Variants in DCDC1 observed in about 807,000 individuals in gnomAD.
DCDC1 encodes doublecortin domain containing 1.
Under a neutral mutation model 178.3 loss-of-function variants are expected in DCDC1, and 200 were observed. The observed-to-expected ratio is 1.12, with a 90% CI of 1.00 to 1.26. DCDC1 has a LOEUF of 1.26. DCDC1 is among the 50% of genes most tolerant of loss of function. The pLI is 0.00. For missense variants in DCDC1, 1,983 were observed against 1,749.2 expected (o/e 1.13, Z -2.38); for synonymous variants, 690 against 604.8 (o/e 1.14, Z -2.07).
chr11:31,153,112 C>T (rs144437945), intron 9 of DCDC1, among the ~76,000 whole-genome samples: 1 of 152,126 alleles, frequency 6.6e-6, no homozygotes, highest in African/African-American at 2.4e-5. Flanking sequence ...ATTTTGAGCT[C>T]TAATGTAAGA....
At chr11:31,146,504 A>G (rs930043843) in intron 9 of DCDC1, among the ~76,000 whole-genome samples, 4 of 152,120 alleles carry the variant, frequency 2.6e-5, no homozygotes, top group African/African-American at 9.7e-5. Context: ...CATATCCTCA[A>G]GGTGTTGGGG....
At chr11:30,925,432 G>A (rs753770508) in intron 22 of DCDC1, 24 bp from the exon 23 acceptor site, 1 of 1,602,298 alleles carries the variant, frequency 6.2e-7, no homozygotes, top group Non-Finnish European at 8.5e-7. Context: ...CACAAAAATT[G>A]ACCTTGCATA....
At chr11:31,116,897 G>T (rs1960051842) in intron 11 of DCDC1, among the ~76,000 whole-genome samples, 1 of 151,910 alleles carries the variant, frequency 6.6e-6, no homozygotes, top group Non-Finnish European at 1.5e-5. Flanking sequence ...CCCAGAAAAG[G>T]CATACCAAAG....
intron 22 of DCDC1, among the ~76,000 whole-genome samples, chr11:30,929,064 C>A (rs938158768): frequency 6.6e-6 from 1 of 151,930 alleles, no homozygotes; most frequent in African/African-American, 2.4e-5. Flanking sequence ...AAATAGTTAT[C>A]AAATACTTTA....
At chr11:31,068,149 T>A (rs1043378572) in intron 18 of DCDC1, among the ~76,000 whole-genome samples, 2 of 152,206 alleles carry the variant, frequency 1.3e-5, no homozygotes, top group Non-Finnish European at 2.9e-5. Context: ...GATTATTTTA[T>A]GCAAATTAAA....
chr11:31,245,567 A>C (rs1943498942), intron 8 of DCDC1, among the ~76,000 whole-genome samples: 2 of 151,768 alleles, frequency 1.3e-5, no homozygotes, highest in South Asian at 4.1e-4. Context: ...TATGAAGACT[A>C]AGGAGGAAAA....
At chr11:31,299,451 G>A (rs544662648) in intron 6 of DCDC1, among the ~76,000 whole-genome samples, 4 of 152,144 alleles carry the variant, frequency 2.6e-5, no homozygotes, top group South Asian at 2.1e-4. Context: ...CCTGGGTCAC[G>A]AACATATTTT....
At chr11:31,034,707 A>T (rs569137309) in intron 20 of DCDC1, among the ~76,000 whole-genome samples, 1 of 152,310 alleles carries the variant, frequency 6.6e-6, no homozygotes, top group African/African-American at 2.4e-5. Flanking sequence ...ACACTCTACA[A>T]TGTTTGCACA....
intron 20 of DCDC1, among the ~76,000 whole-genome samples, chr11:31,035,603 G>A (rs1953974537): frequency 1.3e-5 from 2 of 152,214 alleles, no homozygotes; most frequent in African/African-American, 4.8e-5. Flanking sequence ...ATGCTGAAAT[G>A]TTTTATCACC....
chr11:30,931,828 T>A lies in DCDC1; in HGVS notation c.2840A>T (p.Asn947Ile). Reference protein sequence around the residue: ...RLRVLQNGEKNKNRSVTILGP... With the variant: ...RLRVLQNGEKIKNRSVTILGP... ...AAGGATAGTAACGGATCTGTTTTTA[T>A]TCTTCTCTCCATTCTGCAAAACTCT... The change falls in exon 22 of 39, where the codon AAT becomes ATT. Residue 947 changes from asparagine to isoleucine, a missense_variant. Transcript: ENST00000684477. 6.2e-7 allele frequency: 1 copy of A among 1,613,034 alleles called. No homozygotes were observed. Among genetic ancestry groups the A allele is most frequent in the Middle Eastern group, 1.7e-4 (1 of 6,058 alleles).
intron 20 of DCDC1, among the ~76,000 whole-genome samples, chr11:30,970,734 A>G (rs1949728152): frequency 6.6e-6 from 1 of 152,302 alleles, no homozygotes; most frequent in East Asian, 1.9e-4. Flanking sequence ...CCTCCCCAGT[A>G]GCAGGGCCAC....
chr11:31,064,543 A>C lies in DCDC1; in HGVS notation c.2517T>G (p.Leu839=). Residue 839 remains leucine, a synonymous_variant, in exon 20 of 39, where the codon CTT becomes CTG. Coordinates refer to ENST00000684477, the MANE Select transcript of DCDC1 (RefSeq NM_001387274.1). ...SDTHLMPEGS[L]EETGELTVAL... ...CTACTGTCAGCTCCCCCGTCTCCTCAAGAGAACCTTCTGGCATTAAATGGG... is the reference window on the plus strand; with the variant it reads ...CTACTGTCAGCTCCCCCGTCTCCTCCAGAGAACCTTCTGGCATTAAATGGG... 1 of 765,984 alleles carries C rather than the reference A, an allele frequency of 1.3e-6. No individual in the cohort carries two copies. The highest frequency in any genetic ancestry group is 1.3e-5 in the South Asian group (1 of 74,612). The allele number at this position is 765,984 out of a possible 1,614,324, so 47.4% of individuals were successfully genotyped here. A position where few individuals can be genotyped will look rare whatever the true frequency, so the allele number is the denominator to read the frequency against.
At chr11:31,155,956 A>G (rs1270177579) in intron 9 of DCDC1, 2 of 152,202 alleles carry the variant, frequency 1.3e-5, no homozygotes, top group African/African-American at 4.8e-5. Flanking sequence ...ACCAGTTAAT[A>G]AGATTAGAAC....
chr11:30,880,844 T>TAGTGGA (rs1008041269), intron 37 of DCDC1, among the ~76,000 whole-genome samples: 1 of 152,142 alleles, frequency 6.6e-6, no homozygotes, highest in African/African-American at 2.4e-5. Context: ...AATAGGAAAT[T>TAGTGGA]AGTGGAGCTT....
intron 3 of DCDC1, among the ~76,000 whole-genome samples, chr11:31,326,614 A>G: frequency 6.6e-6 from 1 of 152,142 alleles, no homozygotes; most frequent in African/African-American, 2.4e-5. Flanking sequence ...TCATTTTTTT[A>G]AAAGCTGCAC....
chr11:30,975,370 G>A (rs544372549), intron 20 of DCDC1, among the ~76,000 whole-genome samples: 1 of 151,882 alleles, frequency 6.6e-6, no homozygotes, highest in Non-Finnish European at 1.5e-5. Flanking sequence ...GTCCTAGCCA[G>A]AGCAATCAGG....
chr11:31,222,044 T>C (rs897360533), intron 9 of DCDC1, among the ~76,000 whole-genome samples: 1 of 152,266 alleles, frequency 6.6e-6, no homozygotes, highest in South Asian at 2.1e-4. Flanking sequence ...ACCTTTCCTC[T>C]AGTTTTTTGT....
Position 30,920,807 on chromosome 11 carries a change from G to A in DCDC1, c.3262C>T (p.Leu1088=). 6.2e-7 allele frequency: 1 copy of A among 1,613,622 alleles called. No homozygotes were observed. Among genetic ancestry groups the A allele is most frequent in the Non-Finnish European group, 8.5e-7 (1 of 1,179,746 alleles). ...TCACTGGAAGCATTTTCCGTTGTTAGAGGATCTTCTTGCATTTGCTTTTCT... is the reference window on the plus strand; with the variant it reads ...TCACTGGAAGCATTTTCCGTTGTTAAAGGATCTTCTTGCATTTGCTTTTCT... ...PEEKQMQEDP[L]TTENASSEIL... is the part of the protein sequence containing the mutation. Residue 1088 remains leucine (L), a synonymous_variant, in exon 25 of 39, where the codon CTA becomes TTA. Coordinates refer to ENST00000684477, the MANE Select transcript of DCDC1 (RefSeq NM_001387274.1).
At chr11:31,274,893 G>A (rs1945866686) in intron 7 of DCDC1, among the ~76,000 whole-genome samples, 1 of 151,930 alleles carries the variant, frequency 6.6e-6, no homozygotes, top group African/African-American at 2.4e-5. Context: ...TAGAGATAGG[G>A]TTTCACTATG....
Sources: allele counts gnomAD v4.1 joint callset (sites outside exome capture counted in the v4.1 genomes callset), GRCh38; gene constraint gnomAD v4.1.1; transcripts MANE v1.5; gene names NCBI Gene and HGNC (gene_info 2026-07-23, HGNC 2026-07-21).